LYPD6: variants seen among roughly 807,000 people sequenced by gnomAD.
LYPD6 encodes the protein ly6/PLAUR domain-containing protein 6.
Under a neutral mutation model 22.7 loss-of-function variants are expected in LYPD6, and 15 were observed. The ratio of observed to expected loss-of-function variants is 0.66; its 90% CI spans 0.44 to 1.02. The LOEUF (loss-of-function observed/expected upper bound fraction) is 1.02, where lower values mean the gene tolerates loss of function less well. Ranked by LOEUF, LYPD6 falls within the 50% of genes least tolerant of loss-of-function variation. The probability of loss-of-function intolerance (pLI) is 0.00; values close to 1 mark genes in which losing one functional copy is unlikely to be tolerated. For missense variants in LYPD6, 189 were observed against 208.4 expected (o/e 0.91, Z 0.57); for synonymous variants, 72 against 77.5 (o/e 0.93, Z 0.37).
intron 1 of LYPD6, among the ~76,000 whole-genome samples, chr2:149,338,004 C>T (rs1681071012): frequency 1.1e-5 from 1 of 90,014 alleles, no homozygotes; most frequent in Admixed American, 1.1e-4. Flanking sequence ...GTATATGTAC[C>T]ACATTTTTTT....
chr2:149,389,834 A>C (rs1361385550), intron 1 of LYPD6, among the ~76,000 whole-genome samples: 1 of 152,108 alleles, frequency 6.6e-6, no homozygotes, highest in Non-Finnish European at 1.5e-5. Context: ...TCAGGACCCC[A>C]AGCCCTCTCT....
chr2:149,476,920 C>T (rs1243221338), downstream of LYPD6, among the ~76,000 whole-genome samples: 1 of 152,174 alleles, frequency 6.6e-6, no homozygotes, highest in Non-Finnish European at 1.5e-5. Context: ...CAACGAGCAA[C>T]CCACATCACA....
intron 1 of LYPD6, among the ~76,000 whole-genome samples, chr2:149,372,059 T>G (rs1681822593): frequency 1.3e-5 from 2 of 152,138 alleles, no homozygotes; most frequent in Non-Finnish European, 1.5e-5. Flanking sequence ...TTTGCTGCCC[T>G]GGGATATTTA....
intron 1 of LYPD6, among the ~76,000 whole-genome samples, chr2:149,410,252 G>A (rs925746322): frequency 1.1e-4 from 17 of 152,002 alleles, no homozygotes; most frequent in Admixed American, 6.5e-4. Flanking sequence ...TAATGCATAC[G>A]TTTGTAAGTG....
At chr2:149,389,175 C>T (rs557721421) in intron 1 of LYPD6, among the ~76,000 whole-genome samples, 1 of 152,238 alleles carries the variant, frequency 6.6e-6, no homozygotes, top group African/African-American at 2.4e-5. Context: ...TGATGAATCA[C>T]TTTTCTTAAT....
chr2:149,383,718 A>T (rs920226493), intron 1 of LYPD6, among the ~76,000 whole-genome samples: 1 of 152,224 alleles, frequency 6.6e-6, no homozygotes, highest in South Asian at 2.1e-4. Context: ...TAACTTTTCA[A>T]TTTAAAGCAT....
At chr2:149,435,958 A>T (rs1683421835) in intron 1 of LYPD6, among the ~76,000 whole-genome samples, 1 of 152,240 alleles carries the variant, frequency 6.6e-6, no homozygotes, top group African/African-American at 2.4e-5. Context: ...ATTTAAAAAA[A>T]TATTTTAAAA....
chr2:149,410,150 C>G (rs1682820638), intron 1 of LYPD6, among the ~76,000 whole-genome samples: 1 of 152,148 alleles, frequency 6.6e-6, no homozygotes, highest in Non-Finnish European at 1.5e-5. Flanking sequence ...CTTGAACTGT[C>G]AAAAACTAGT....
chr2:149,330,574 C>G (rs1026897043), upstream of LYPD6: 13 of 151,240 alleles, frequency 8.6e-5, no homozygotes, highest in South Asian at 4.1e-4. Context: ...CCCGCCTCTC[C>G]CCGCTGCGCT....
intron 1 of LYPD6, among the ~76,000 whole-genome samples, chr2:149,361,118 T>A (rs184153258): frequency 6.6e-6 from 1 of 152,338 alleles, no homozygotes; most frequent in Admixed American, 6.5e-5. Context: ...GATAAATGAG[T>A]AAATCTCGAA....
chr2:149,386,001 T>TCC (rs11383088), intron 1 of LYPD6, among the ~76,000 whole-genome samples: 6 of 151,472 alleles, frequency 4.0e-5, no homozygotes, highest in African/African-American at 9.7e-5. Flanking sequence ...AGATTCAGAA[T>TCC]CCCCCCCCAA....
chr2:149,343,040 T>C (rs1681191138), intron 1 of LYPD6, among the ~76,000 whole-genome samples: 1 of 152,210 alleles, frequency 6.6e-6, no homozygotes, highest in Admixed American at 6.5e-5. Flanking sequence ...TCTTCTCAGT[T>C]GGGAACTATT....
chr2:149,404,183 T>C (rs1363589951), intron 1 of LYPD6, among the ~76,000 whole-genome samples: 2 of 152,224 alleles, frequency 1.3e-5, no homozygotes, highest in Non-Finnish European at 2.9e-5. Flanking sequence ...TCCAGCTTTG[T>C]TCTTTTGGCT....
intron 1 of LYPD6, among the ~76,000 whole-genome samples, chr2:149,353,927 G>A (rs912725222): frequency 6.6e-6 from 1 of 152,136 alleles, no homozygotes; most frequent in African/African-American, 2.4e-5. Context: ...ACAAAAGGGT[G>A]GTTCTGCCTT....
At chr2:149,332,853 A>G (rs1240196893) in intron 1 of LYPD6, among the ~76,000 whole-genome samples, 1 of 152,230 alleles carries the variant, frequency 6.6e-6, no homozygotes, top group East Asian at 1.9e-4. Flanking sequence ...AACTAGGAAT[A>G]GTTTTAAAGA....
chr2:149,339,535 C>T (rs908516417), intron 1 of LYPD6, among the ~76,000 whole-genome samples: 11 of 152,158 alleles, frequency 7.2e-5, no homozygotes, highest in African/African-American at 2.4e-4. Context: ...GTTACTATGA[C>T]GTTTTTACTC....
At chr2:149,385,235 CTG>C (rs1682157683) in intron 1 of LYPD6, among the ~76,000 whole-genome samples, 1 of 152,116 alleles carries the variant, frequency 6.6e-6, no homozygotes, top group Non-Finnish European at 1.5e-5. Context: ...GATGTATTCA[CTG>C]TGTGTAAACC....
At position 149,434,914 on chromosome 2, in the gene LYPD6, AAAAAC is replaced by A. The variant is rs530905260; in HGVS notation, c.-71-2716_-71-2712del. Among the ~76,000 whole-genome samples the A allele has an allele frequency of 3.1e-3, 472 of 152,266 alleles. 3 individuals carry two copies. The highest frequency in any genetic ancestry group is 0.015 in the South Asian group (73 of 4,830). On this transcript the variant is annotated intron_variant, in intron 1 of 4. Coordinates refer to ENST00000334166, the MANE Select transcript of LYPD6 (RefSeq NM_194317.5). ...GTCTTGTGGGAGGAAATGTTACCTA[AAAAAC>A]AAAACAACAACAACAGAAAACATGC... is the stretch of plus-strand genomic sequence containing the variant.
chr2:149,476,028 CAT>C (rs1403386295), downstream of LYPD6, among the ~76,000 whole-genome samples: 1 of 152,166 alleles, frequency 6.6e-6, no homozygotes, highest in Non-Finnish European at 1.5e-5. Context: ...CCTTAGAAAA[CAT>C]CTAGTCTACC....
Sources: gnomAD v4.1 joint callset for allele counts (sites outside exome capture counted in the v4.1 genomes callset) on GRCh38, gnomAD v4.1.1 for gene constraint, MANE v1.5 for transcripts, NCBI Gene and HGNC (gene_info 2026-07-23, HGNC 2026-07-21) for gene names.